IMMP2L: variants seen among roughly 807,000 people sequenced by gnomAD.
IMMP2L encodes the protein mitochondrial inner membrane protease subunit 2.
In IMMP2L, 18 loss-of-function variants were observed where a neutral mutation model predicts 19.3. The observed-to-expected ratio is 0.93, with a 90% CI of 0.64 to 1.38. The LOEUF (loss-of-function observed/expected upper bound fraction) is 1.38. Ranked by LOEUF, IMMP2L falls within the 40% of genes most tolerant of loss-of-function variation. The probability of loss-of-function intolerance (pLI) is 0.00; values close to 1 mark genes in which losing one functional copy is unlikely to be tolerated. For synonymous variants in IMMP2L, 76 were observed against 73.0 expected (o/e 1.04, Z -0.21); for missense variants, 233 against 218.2 (o/e 1.07, Z -0.43).
At chr7:110,992,005 T>C (rs1448077768) in intron 3 of IMMP2L, among the ~76,000 whole-genome samples, 1 of 152,202 alleles carries the variant, frequency 6.6e-6, no homozygotes, top group Admixed American at 6.6e-5. Context: ...ATCCTCTCTT[T>C]AAAAAGAAAC....
chr7:110,777,581 G>A (rs1326045223), intron 5 of IMMP2L, among the ~76,000 whole-genome samples: 1 of 151,992 alleles, frequency 6.6e-6, no homozygotes, highest in East Asian at 1.9e-4. Flanking sequence ...GAAAGCTGCA[G>A]AGCTGGAGAA....
At chr7:111,143,008 G>A (rs1424901554) in intron 3 of IMMP2L, among the ~76,000 whole-genome samples, 1 of 152,032 alleles carries the variant, frequency 6.6e-6, no homozygotes, top group African/African-American at 2.4e-5. Context: ...TTACTCAGTT[G>A]CCAAGCAGCA....
intron 3 of IMMP2L, among the ~76,000 whole-genome samples, chr7:111,061,357 G>A (rs779095571): frequency 3.3e-5 from 5 of 152,148 alleles, no homozygotes; most frequent in South Asian, 2.1e-4. Context: ...TGACTGACTC[G>A]CTGAGCCTGG....
At position 110,735,330 on chromosome 7, in the gene IMMP2L, C is replaced by G. The variant is rs538612305; in HGVS notation, c.409-71609G>C. On this transcript the variant is annotated intron_variant, in intron 5 of 5. Coordinates refer to ENST00000405709, the MANE Select transcript of IMMP2L (RefSeq NM_032549.4). ...AATCAGCAACCATTTTTCCAGGACC[C>G]CTCTCTGTAGCAGAGAGCTATTCTC... Among the ~76,000 whole-genome samples the G allele has an allele frequency of 3.3e-5, 5 of 152,142 alleles. 1 individual carries two copies. Among genetic ancestry groups the G allele is most frequent in the Admixed American group, 3.3e-4 (5 of 15,284 alleles).
In IMMP2L at chr7:111,020,917, G is replaced by A. The variant is rs187958678; in HGVS notation, c.240-57352C>T. Among the ~76,000 whole-genome samples, 414 of 152,020 alleles carry A rather than the reference G, an allele frequency of 2.7e-3. 1 individual carries two copies. The highest frequency in any genetic ancestry group is 9.5e-3 in the African/African-American group (395 of 41,466). ...TCATATATTCAAATTGTTTTCAAAG[G>A]GATCTAAAAAAAGTGTGTCATGAGG... On this transcript the variant is annotated intron_variant, in intron 3 of 5. Transcript: ENST00000405709.
At chr7:111,407,612 G>C (rs912400213) in intron 3 of IMMP2L, among the ~76,000 whole-genome samples, 3 of 151,952 alleles carry the variant, frequency 2.0e-5, no homozygotes, top group Non-Finnish European at 4.4e-5. Context: ...AAAATCAATA[G>C]AAATACAAAA....
intron 3 of IMMP2L, among the ~76,000 whole-genome samples, chr7:111,197,239 G>C (rs552507039): frequency 6.6e-6 from 1 of 152,230 alleles, no homozygotes; most frequent in South Asian, 2.1e-4. Context: ...AAGGTGGGCG[G>C]ATCACGAGGT....
intron 3 of IMMP2L, among the ~76,000 whole-genome samples, chr7:111,406,580 G>A (rs999346018): frequency 6.6e-6 from 1 of 151,950 alleles, no homozygotes; most frequent in African/African-American, 2.4e-5. Context: ...GTCTTTTACT[G>A]TCAAGCATGG....
chr7:111,117,628 A>G (rs1800044068), intron 3 of IMMP2L, among the ~76,000 whole-genome samples: 1 of 152,246 alleles, frequency 6.6e-6, no homozygotes, highest in Middle Eastern at 3.4e-3. Flanking sequence ...GGATGCATTT[A>G]GTATAATTCA....
intron 3 of IMMP2L, among the ~76,000 whole-genome samples, chr7:111,043,243 T>G (rs1316305104): frequency 2.6e-5 from 4 of 152,236 alleles, no homozygotes; most frequent in Non-Finnish European, 5.9e-5. Flanking sequence ...TCTCTTGAAT[T>G]AAGCACATCC....
intron 3 of IMMP2L, among the ~76,000 whole-genome samples, chr7:111,304,671 T>TGG (rs1491511390): frequency 2.9e-3 from 10 of 3,390 alleles, no homozygotes; most frequent in African/African-American, 9.3e-3. Context: ...ACATATATAA[T>TGG]GTGTGTGTGT....
At chr7:111,469,826 T>C (rs558235908) in intron 3 of IMMP2L, among the ~76,000 whole-genome samples, 1 of 152,230 alleles carries the variant, frequency 6.6e-6, no homozygotes, top group South Asian at 2.1e-4. Flanking sequence ...AAGGACTTCA[T>C]GTCTAAAACA....
chr7:110,674,675 T>C (rs1792167182), intron 5 of IMMP2L, among the ~76,000 whole-genome samples: 1 of 152,172 alleles, frequency 6.6e-6, no homozygotes, highest in Non-Finnish European at 1.5e-5. Flanking sequence ...AAATTTGAAA[T>C]GTTGTTCTAA....
At chr7:111,043,997 T>C (rs76174356) in intron 3 of IMMP2L, among the ~76,000 whole-genome samples, 6,261 of 152,268 alleles carry the variant, frequency 0.041, 187 homozygotes, top group South Asian at 0.079. Flanking sequence ...ATAAAAACAC[T>C]GAGGCATTCA....
At chr7:111,184,778 T>TGTGG (rs1326385536) in intron 3 of IMMP2L, among the ~76,000 whole-genome samples, 1 of 151,728 alleles carries the variant, frequency 6.6e-6, no homozygotes, top group Non-Finnish European at 1.5e-5. Context: ...AGTGTGTGTG[T>TGTGG]GTGTGCATTT....
chr7:110,861,963 T>C (rs1009130764), intron 5 of IMMP2L, among the ~76,000 whole-genome samples: 1 of 152,102 alleles, frequency 6.6e-6, no homozygotes, highest in Non-Finnish European at 1.5e-5. Flanking sequence ...CAAGTATAAA[T>C]TATGTCCACA....
chr7:110,999,377 T>C (rs1392147689), intron 3 of IMMP2L, among the ~76,000 whole-genome samples: 1 of 150,598 alleles, frequency 6.6e-6, no homozygotes, highest in African/African-American at 2.4e-5. Flanking sequence ...TTGGCATCTA[T>C]GCTTTATAGC....
chr7:110,825,067 G>C lies in IMMP2L; in HGVS notation c.408+61526C>G, dbSNP rs147130604. Among the ~76,000 whole-genome samples the C allele has an allele frequency of 5.1e-3, 779 of 152,150 alleles. 13 individuals carry two copies. The highest frequency in any genetic ancestry group is 0.018 in the African/African-American group (737 of 41,518). ...AGTAACAAACAAATAGCCGAATCATGAGTGAACTCTCATTCACAATTGCTT... is the reference window on the plus strand; with the variant it reads ...AGTAACAAACAAATAGCCGAATCATCAGTGAACTCTCATTCACAATTGCTT... On this transcript the variant is annotated intron_variant, in intron 5 of 5. Transcript: ENST00000405709.
intron 3 of IMMP2L, among the ~76,000 whole-genome samples, chr7:111,358,504 T>C (rs1417462609): frequency 2.6e-5 from 4 of 152,002 alleles, no homozygotes; most frequent in Admixed American, 2.6e-4. Context: ...TTGGTTACCA[T>C]AATGCCTAAG....
Sources: gnomAD v4.1 joint callset for allele counts (sites outside exome capture counted in the v4.1 genomes callset) on GRCh38, gnomAD v4.1.1 for gene constraint, MANE v1.5 for transcripts, NCBI Gene and HGNC (gene_info 2026-07-23, HGNC 2026-07-21) for gene names.